Variants in ROBO2 observed in about 807,000 individuals in gnomAD.
The protein encoded by ROBO2 is roundabout guidance receptor 2.
Under a neutral mutation model 160.8 loss-of-function variants are expected in ROBO2, and 53 were observed. The ratio of observed to expected loss-of-function variants is 0.33; its 90% CI spans 0.26 to 0.41. The LOEUF (loss-of-function observed/expected upper bound fraction) is 0.41, where lower values mean the gene tolerates loss of function less well. Ranked by LOEUF, ROBO2 falls within the 10% of genes least tolerant of loss-of-function variation. The pLI is 1.00. For synonymous variants in ROBO2, 664 were observed against 611.7 expected (o/e 1.09, Z -1.26); for missense variants, 1,577 against 1,722.4 (o/e 0.92, Z 1.49).
At chr3:77,293,823 T>G (rs1258149416) in intron 2 of ROBO2, among the ~76,000 whole-genome samples, 5 of 138,670 alleles carry the variant, frequency 3.6e-5, no homozygotes, top group South Asian at 2.3e-4. Context: ...AGACATAAAG[T>G]AGAATTGATG....
At chr3:76,133,241 A>T (rs1265733167) in intron 2 of ROBO2, among the ~76,000 whole-genome samples, 1 of 152,100 alleles carries the variant, frequency 6.6e-6, no homozygotes, top group Non-Finnish European at 1.5e-5. Flanking sequence ...TAAGAAGGGA[A>T]ATATACAACC....
intron 2 of ROBO2, among the ~76,000 whole-genome samples, chr3:76,519,379 T>C (rs575999143): frequency 6.6e-6 from 1 of 152,320 alleles, no homozygotes; most frequent in East Asian, 1.9e-4. Flanking sequence ...TTGCTGACTC[T>C]TGATATCAAT....
intron 22 of ROBO2, among the ~76,000 whole-genome samples, chr3:77,619,043 A>G (rs1299657071): frequency 6.6e-6 from 1 of 152,104 alleles, no homozygotes; most frequent in East Asian, 1.9e-4. Context: ...CTTAAAATAT[A>G]TTGGTACCTG....
At chr3:76,558,463 T>G (rs1055345755) in intron 2 of ROBO2, among the ~76,000 whole-genome samples, 3 of 152,136 alleles carry the variant, frequency 2.0e-5, no homozygotes, top group Non-Finnish European at 4.4e-5. Flanking sequence ...TTATATGGCA[T>G]AAAGCATGCT....
chr3:76,886,275 T>C (rs1477017044), intron 2 of ROBO2, among the ~76,000 whole-genome samples: 1 of 141,982 alleles, frequency 7.0e-6, no homozygotes, highest in Non-Finnish European at 1.6e-5. Flanking sequence ...TATATATATA[T>C]AGACCCTTTG....
intron 2 of ROBO2, among the ~76,000 whole-genome samples, chr3:76,030,622 A>G (rs964426884): frequency 2.6e-5 from 4 of 152,046 alleles, no homozygotes; most frequent in Admixed American, 1.3e-4. Context: ...ATTAAATAGG[A>G]AATCCTTTCC....
intron 2 of ROBO2, among the ~76,000 whole-genome samples, chr3:77,348,867 C>CTTT (rs2067978495): frequency 2.0e-5 from 3 of 152,108 alleles, no homozygotes; most frequent in Non-Finnish European, 4.4e-5. Context: ...CTTACAGATG[C>CTTT]ATCACCTGTT....
chr3:77,525,214 T>C (rs2091015127), intron 6 of ROBO2, among the ~76,000 whole-genome samples: 2 of 146,054 alleles, frequency 1.4e-5, no homozygotes, highest in South Asian at 4.4e-4. Flanking sequence ...TTTAATTTGC[T>C]GATTTTGAAA....
intron 2 of ROBO2, among the ~76,000 whole-genome samples, chr3:76,715,145 C>A (rs2093359027): frequency 6.6e-6 from 1 of 152,022 alleles, no homozygotes; most frequent in Non-Finnish European, 1.5e-5. Flanking sequence ...TTTCCTCTTC[C>A]ATCTCGTAAA....
intron 2 of ROBO2, among the ~76,000 whole-genome samples, chr3:76,520,170 G>C (rs953706653): frequency 1.3e-5 from 2 of 152,094 alleles, no homozygotes; most frequent in South Asian, 2.1e-4. Flanking sequence ...GGATTTCCAG[G>C]CCAGGCGCAG....
chr3:76,988,076 A>G (rs1452107269), intron 2 of ROBO2, among the ~76,000 whole-genome samples: 6 of 152,182 alleles, frequency 3.9e-5, no homozygotes, highest in Non-Finnish European at 8.8e-5. Flanking sequence ...GACAAAATAA[A>G]ATATTATGCA....
At chr3:77,258,622 T>TA (rs11451740) in intron 2 of ROBO2, among the ~76,000 whole-genome samples, 70,833 of 119,624 alleles carry the variant, frequency 0.59, 18,296 homozygotes, top group East Asian at 0.72. Context: ...GACTTTGTCT[T>TA]AAAAAAAAAA....
intron 3 of ROBO2, among the ~76,000 whole-genome samples, chr3:77,479,042 C>T (rs1337523051): frequency 6.6e-6 from 1 of 152,118 alleles, no homozygotes; most frequent in Non-Finnish European, 1.5e-5. Flanking sequence ...AGCTTAATTA[C>T]CCTCTTCATA....
At chr3:77,506,362 A>T (rs2088525969) in intron 5 of ROBO2, among the ~76,000 whole-genome samples, 1 of 152,200 alleles carries the variant, frequency 6.6e-6, no homozygotes, top group Non-Finnish European at 1.5e-5. Flanking sequence ...AGTAGTGCTC[A>T]GATCATCATT....
At chr3:77,320,179 T>G (rs2064521099) in intron 2 of ROBO2, among the ~76,000 whole-genome samples, 1 of 152,190 alleles carries the variant, frequency 6.6e-6, no homozygotes, top group African/African-American at 2.4e-5. Context: ...ATCATTTTCT[T>G]TCTCTTACCC....
intron 2 of ROBO2, among the ~76,000 whole-genome samples, chr3:76,228,978 C>T (rs1243313809): frequency 1.3e-5 from 2 of 152,062 alleles, no homozygotes; most frequent in Non-Finnish European, 2.9e-5. Context: ...GTGATTGCAC[C>T]ACTGCACTCC....
chr3:77,216,083 G>A (rs1297013358), intron 2 of ROBO2, among the ~76,000 whole-genome samples: 2 of 152,150 alleles, frequency 1.3e-5, no homozygotes, highest in African/African-American at 4.8e-5. Context: ...TGCATGCTGG[G>A]AGAACGACTA....
At chr3:77,551,729 A>AT (rs1271163149) in intron 8 of ROBO2, among the ~76,000 whole-genome samples, 2 of 151,726 alleles carry the variant, frequency 1.3e-5, no homozygotes, top group African/African-American at 4.8e-5. Context: ...GAGGATTTTT[A>AT]CTTTTGTTTT....
intron 2 of ROBO2, among the ~76,000 whole-genome samples, chr3:76,285,423 A>G (rs1708459724): frequency 6.6e-6 from 1 of 152,004 alleles, no homozygotes. Flanking sequence ...GCATATCAAA[A>G]CTCTTGATTG....
Sources: allele counts gnomAD v4.1 joint callset (sites outside exome capture counted in the v4.1 genomes callset), GRCh38; gene constraint gnomAD v4.1.1; transcripts MANE v1.5; gene names NCBI Gene and HGNC (gene_info 2026-07-23, HGNC 2026-07-21).